Variants in PAPOLG observed in about 807,000 individuals in gnomAD.
PAPOLG encodes the protein poly(A) polymerase gamma.
In PAPOLG, 40 loss-of-function variants were observed where a neutral mutation model predicts 99.0. The ratio of observed to expected loss-of-function variants is 0.40; its 90% confidence interval spans 0.31 to 0.53. The LOEUF (loss-of-function observed/expected upper bound fraction) is 0.53, where lower values mean the gene tolerates loss of function less well. Among genes scored for constraint, PAPOLG ranks in the 20% least tolerant of loss-of-function variants. The pLI is 0.41. For missense variants in PAPOLG, 675 were observed against 884.1 expected, an observed-to-expected ratio of 0.76 and a Z score of 3.00; for synonymous variants, 310 against 299.3, an observed-to-expected ratio of 1.04 and a Z score of -0.37.
intron 4 of PAPOLG, 77 bp from the exon 5 acceptor site, chr2:60,768,704 T>C: frequency 7.2e-7 from 1 of 1,384,620 alleles, no homozygotes; most frequent in South Asian, 1.4e-5. Context: ...CTTTCTTCTG[T>C]ACATATGTTT....
chr2:60,783,078 A>G (rs1288723182), intron 12 of PAPOLG, 78 bp from the exon 13 acceptor site: 16 of 1,307,668 alleles, frequency 1.2e-5, no homozygotes, highest in South Asian at 3.3e-5. Flanking sequence ...AGAGGGAGGG[A>G]AAAAAGGGGA....
chr2:60,778,977 A>G (rs1671112467), intron 8 of PAPOLG, among the ~76,000 whole-genome samples: 1 of 152,114 alleles, frequency 6.6e-6, no homozygotes, highest in Admixed American at 6.6e-5. Context: ...AATCATAGCT[A>G]CGCAAGAGGC....
chr2:60,789,183 G>T (rs554161436), intron 15 of PAPOLG, among the ~76,000 whole-genome samples: 174 of 152,040 alleles, frequency 1.1e-3, no homozygotes, highest in African/African-American at 4.0e-3. Context: ...GTTGTGGGGT[G>T]GGGGGAGCGG....
chr2:60,794,316 C>G, intron 19 of PAPOLG, 125 bp downstream of exon 19: 1 of 981,848 alleles, frequency 1.0e-6, no homozygotes, highest in East Asian at 2.7e-5. Context: ...TTACCCAAAT[C>G]TTAAAGAAAC....
At chr2:60,783,782 ATTG>A (rs1351215836) in intron 13 of PAPOLG, among the ~76,000 whole-genome samples, 1 of 151,842 alleles carries the variant, frequency 6.6e-6, no homozygotes, top group East Asian at 1.9e-4. Flanking sequence ...CTTACTGGTG[ATTG>A]TTGTGCATGA....
At chr2:60,765,643 A>T (rs1275129215) in intron 3 of PAPOLG, among the ~76,000 whole-genome samples, 1 of 152,226 alleles carries the variant, frequency 6.6e-6, no homozygotes, top group Non-Finnish European at 1.5e-5. Flanking sequence ...AACTTTAAAT[A>T]GTGTAGAATC....
chr2:60,782,638 A>G lies in PAPOLG; in HGVS notation c.1028-48A>G, dbSNP rs568964491. On this transcript the variant is annotated intron_variant, in intron 11 of 21. Coordinates refer to ENST00000238714, the MANE Select transcript of PAPOLG (RefSeq NM_022894.4). The stretch of plus-strand genomic sequence containing the variant: ...GTGATTTAAGAGCTGGTCCCTTTTC[A>G]AAATCATTCTTCTTCTTTTTTTTTT... 302 of 1,379,824 alleles carry G rather than the reference A, an allele frequency of 2.2e-4. 3 individuals carry two copies. The South Asian group carries it at 3.8e-3, about 17-fold the overall frequency. The allele number at this position is 1,379,824 out of a possible 1,614,324, so 85.5% of individuals were successfully genotyped here.
chr2:60,782,358 G>A (rs1471922992), intron 11 of PAPOLG, among the ~76,000 whole-genome samples: 1 of 152,070 alleles, frequency 6.6e-6, no homozygotes, highest in Non-Finnish European at 1.5e-5. Context: ...CCTGAGGTCA[G>A]GAGTTCAAGA....
At position 60,779,787 on chromosome 2, in the gene PAPOLG, C is replaced by T. The variant is rs963376308; in HGVS notation, c.833+12C>T. 12 of 1,603,128 alleles carry T rather than the reference C, an allele frequency of 7.5e-6. No individual in the cohort carries two copies. The Admixed American group carries it at 1.0e-4, about 13-fold the overall frequency. On this transcript the variant is annotated intron_variant, in intron 9 of 21. Transcript: ENST00000238714. ...GTTTTTTCCAAGTGGTAAGTATTTA[C>T]GTGTGTACTTTGACTGTTTACTAAT...
chr2:60,770,405 A>G, intron 5 of PAPOLG, 53 bp from the exon 6 acceptor site: 2 of 1,441,552 alleles, frequency 1.4e-6, no homozygotes, highest in Admixed American at 2.4e-5. Flanking sequence ...GTAGTTAGGA[A>G]GGATAAAGAA....
rs201413066 is a variant in PAPOLG at position 60,794,127 on chromosome 2, C to A, written c.1925C>A (p.Thr642Lys). ...ATGTCAAATATAACTAAGACTGTTA[C>A]ACCTAAGAGATCCCATTCCCCATCC... ...NGMSNITKTV[T>K]PKRSHSPSID... Residue 642 changes from threonine (T) to lysine (K), a missense_variant, in exon 19 of 22, where the codon ACA becomes AAA. Thr to Lys is a moderately conservative substitution (Grantham distance 78). Coordinates refer to ENST00000238714, the MANE Select transcript of PAPOLG (RefSeq NM_022894.4). The A allele has an allele frequency of 3.7e-5, 60 of 1,613,844 alleles. No homozygotes were observed. Among genetic ancestry groups the A allele is most frequent in the Non-Finnish European group, 4.6e-5 (54 of 1,179,796 alleles).
intron 11 of PAPOLG, 28 bp from the exon 12 acceptor site, chr2:60,782,658 T>C (rs1292066087): frequency 4.7e-6 from 6 of 1,270,688 alleles, no homozygotes; most frequent in South Asian, 1.5e-5. Flanking sequence ...TTCTTCTTTT[T>C]TTTTTTTTTT....
rs781224345 is a variant in PAPOLG at position 60,782,053 on chromosome 2, G to T, written c.1027+48G>T. On this transcript the variant is annotated intron_variant, in intron 11 of 21. Coordinates refer to ENST00000238714, the MANE Select transcript of PAPOLG (RefSeq NM_022894.4). ...CTTTACATATTCCCACAAGTTTTTG[G>T]TTAACAGTTTTATTCTCTGTTGCAG... The T allele has an allele frequency of 3.8e-6, 6 of 1,574,002 alleles. No homozygotes were observed. The Admixed American group carries it at 1.0e-4, about 26-fold the overall frequency.
At position 60,797,266 on chromosome 2, in the gene PAPOLG, G is replaced by A. The variant is rs1392388557; in HGVS notation, c.*106G>A. The A allele has an allele frequency of 2.9e-6, 4 of 1,396,998 alleles. No homozygotes were observed. Among genetic ancestry groups the A allele is most frequent in the African/African-American group, 1.4e-5 (1 of 69,440 alleles). 86.5% of individuals were successfully genotyped at this position (1,396,998 alleles called of 1,614,324 possible). A position where few individuals can be genotyped will look rare whatever the true frequency, so the allele number is the denominator to read the frequency against. On this transcript the variant is annotated 3_prime_UTR_variant, in exon 22 of 22. Transcript: ENST00000238714. The stretch of plus-strand genomic sequence containing the variant: ...CTGTCATACGTGAAATAAGGTGAAA[G>A]TGACAGCCTTCAGTCTAATAACCTT...
chr2:60,770,685 A>C (rs1013294174), intron 6 of PAPOLG, among the ~76,000 whole-genome samples, 174 bp downstream of exon 6: 1 of 151,940 alleles, frequency 6.6e-6, no homozygotes, highest in Non-Finnish European at 1.5e-5. Flanking sequence ...GTATAGTGAC[A>C]CAATCATAGC....
intron 8 of PAPOLG, among the ~76,000 whole-genome samples, chr2:60,776,506 C>T (rs1311781206): frequency 6.8e-6 from 1 of 146,610 alleles, no homozygotes; most frequent in African/African-American, 2.6e-5. Context: ...CAGCTCACGG[C>T]AACCACCGCC....
rs1368690629 is a variant in PAPOLG at position 60,800,176 on chromosome 2, TA to T, written c.*3017del. The T allele has an allele frequency of 1.3e-5, 2 of 152,124 alleles. No individual in the cohort carries two copies. Among genetic ancestry groups the T allele is most frequent in the African/African-American group, 4.8e-5 (2 of 41,430 alleles). The allele number at this position is 152,124 out of a possible 1,614,324, so 9.4% of individuals were successfully genotyped here. ...TGTAAAACTGGGACAGGAGAATTAT[TA>T]TTTTTTTATTTTTTATTTTTTTATG... On this transcript the variant is annotated 3_prime_UTR_variant, in exon 22 of 22. Transcript: ENST00000238714.
chr2:60,789,394 A>C (rs1671464098), intron 15 of PAPOLG, among the ~76,000 whole-genome samples: 1 of 151,916 alleles, frequency 6.6e-6, no homozygotes, highest in South Asian at 2.1e-4. Context: ...CTTGATTTTT[A>C]TGGGTTTTTT....
At chr2:60,793,205 TAAAAAAAAAAAA>T in intron 17 of PAPOLG, among the ~76,000 whole-genome samples, 1 of 45,560 alleles carries the variant, frequency 2.2e-5, no homozygotes, top group Non-Finnish European at 4.1e-5. Context: ...ATACCATGTC[TAAAAAAAAAAAA>T]AAAAAAAAAA....
Sources: gnomAD v4.1 joint callset for allele counts (sites outside exome capture counted in the v4.1 genomes callset) on GRCh38, gnomAD v4.1.1 for gene constraint, MANE v1.5 for transcripts, NCBI Gene and HGNC (gene_info 2026-07-23, HGNC 2026-07-21) for gene names.